The following SHANK2 variants were observed in gnomAD, a reference collection of about 807,000 sequenced individuals.
SHANK2 encodes SH3 and multiple ankyrin repeat domains 2.
In SHANK2, 43 loss-of-function variants were observed where a neutral mutation model predicts 133.7. The observed-to-expected ratio is 0.32, with a 90% CI of 0.25 to 0.41. SHANK2 has a LOEUF of 0.41. Among genes scored for constraint, SHANK2 ranks in the 10% least tolerant of loss-of-function variants. The pLI, the probability that SHANK2 is intolerant of heterozygous loss-of-function variation, is 1.00. For synonymous variants in SHANK2, 1,017 were observed against 952.8 expected (o/e 1.07, Z -1.24); for missense variants, 1,994 against 2,235.8 (o/e 0.89, Z 2.18).
chr11:70,718,898 G>A (rs908287054), intron 14 of SHANK2, among the ~76,000 whole-genome samples: 4 of 152,256 alleles, frequency 2.6e-5, no homozygotes, highest in East Asian at 3.9e-4. Context: ...CCACTTTGCC[G>A]GTCACTGGCG....
At chr11:70,918,025 T>G (rs868993998) in intron 10 of SHANK2, among the ~76,000 whole-genome samples, 4,333 of 150,024 alleles carry the variant, frequency 0.029, 181 homozygotes, top group African/African-American at 0.096. Flanking sequence ...AAGTTTTTTT[T>G]TTTTTTTTTT....
intron 9 of SHANK2, among the ~76,000 whole-genome samples, chr11:71,061,808 G>T (rs1950989375): frequency 6.6e-6 from 1 of 152,044 alleles, no homozygotes. Flanking sequence ...AGAGTGTGGA[G>T]AGCACTGGGC....
intron 3 of SHANK2, among the ~76,000 whole-genome samples, chr11:71,145,686 C>T (rs1206521566): frequency 6.6e-6 from 1 of 152,174 alleles, no homozygotes; most frequent in Non-Finnish European, 1.5e-5. Context: ...GGAGCTGGGA[C>T]CCTGGATGGG....
intron 15 of SHANK2, among the ~76,000 whole-genome samples, chr11:70,677,880 G>A (rs1555017584): frequency 2.0e-5 from 3 of 152,216 alleles, no homozygotes; most frequent in Non-Finnish European, 4.4e-5. Context: ...CGAGCTGCTT[G>A]TCCCAGTTGT....
chr11:70,552,490 G>T (rs1430323071), intron 17 of SHANK2, among the ~76,000 whole-genome samples: 11 of 152,322 alleles, frequency 7.2e-5, no homozygotes, highest in African/African-American at 2.2e-4. Flanking sequence ...CCAACAGCAA[G>T]CGATTAACTC....
chr11:70,704,899 T>A (rs548656611), intron 14 of SHANK2, among the ~76,000 whole-genome samples: 1 of 151,758 alleles, frequency 6.6e-6, no homozygotes, highest in South Asian at 2.1e-4. Flanking sequence ...CCCTTGAAAT[T>A]AATTTTGGCC....
At chr11:71,249,346 C>T (rs1164705046) in intron 1 of SHANK2, among the ~76,000 whole-genome samples, 1 of 152,148 alleles carries the variant, frequency 6.6e-6, no homozygotes, top group African/African-American at 2.4e-5. Context: ...TGCTGGAGGT[C>T]ATGTGGAGGC....
intron 17 of SHANK2, among the ~76,000 whole-genome samples, chr11:70,583,813 C>G (rs527641573): frequency 3.3e-5 from 5 of 152,332 alleles, no homozygotes; most frequent in Admixed American, 3.3e-4. Flanking sequence ...CACCATCACC[C>G]CACGGTATAA....
intron 10 of SHANK2, among the ~76,000 whole-genome samples, chr11:70,934,246 CAA>C (rs11411212): frequency 7.0e-5 from 8 of 114,038 alleles, no homozygotes; most frequent in Non-Finnish European, 7.1e-5. Context: ...ACAACACCAC[CAA>C]AAAAAAAAAA....
intron 2 of SHANK2, among the ~76,000 whole-genome samples, chr11:71,165,221 C>A (rs1403868740): frequency 6.6e-6 from 1 of 151,726 alleles, no homozygotes; most frequent in Non-Finnish European, 1.5e-5. Context: ...TTAGTAGAGA[C>A]GGGGGTCTCA....
At chr11:70,507,584 C>T (rs1400203715) in intron 17 of SHANK2, among the ~76,000 whole-genome samples, 5 of 152,180 alleles carry the variant, frequency 3.3e-5, no homozygotes, top group South Asian at 2.1e-4. Context: ...GTCATGTGGG[C>T]GCTGGGGCAG....
chr11:70,558,171 G>C (rs1565128543), intron 17 of SHANK2, among the ~76,000 whole-genome samples: 1 of 152,202 alleles, frequency 6.6e-6, no homozygotes, highest in South Asian at 2.1e-4. Flanking sequence ...TTTCTATCTG[G>C]AGGTGTGCGA....
At chr11:71,127,830 A>G (rs1952219692) in intron 3 of SHANK2, among the ~76,000 whole-genome samples, 1 of 152,228 alleles carries the variant, frequency 6.6e-6, no homozygotes, top group African/African-American at 2.4e-5. Context: ...CTGTTATGTA[A>G]GTCATTGAGA....
chr11:70,627,291 A>G (rs2060918105), intron 17 of SHANK2, among the ~76,000 whole-genome samples: 1 of 152,018 alleles, frequency 6.6e-6, no homozygotes, highest in Non-Finnish European at 1.5e-5. Flanking sequence ...ATGAAGACCA[A>G]CTCACCACCC....
chr11:70,581,506 T>C (rs7125106), intron 17 of SHANK2, among the ~76,000 whole-genome samples: 130,165 of 152,168 alleles, frequency 0.86, 55,744 homozygotes, highest in South Asian at 0.92. Context: ...GTCTGGCCAA[T>C]ATGGCGAAAC....
At chr11:71,142,236 C>A (rs1393281365) in intron 3 of SHANK2, among the ~76,000 whole-genome samples, 2 of 152,296 alleles carry the variant, frequency 1.3e-5, no homozygotes, top group South Asian at 4.1e-4. Flanking sequence ...CGGTGGCTCA[C>A]GCCTATGTAA....
chr11:70,849,784 G>A (rs1423468589), intron 11 of SHANK2, among the ~76,000 whole-genome samples: 2 of 152,086 alleles, frequency 1.3e-5, no homozygotes, highest in Non-Finnish European at 2.9e-5. Flanking sequence ...TGGTGATCTG[G>A]GGTCCATGAT....
In SHANK2 at chr11:70,500,714, C is replaced by A. The variant is rs1555158262; in HGVS notation, c.2288-124G>T. The A allele has an allele frequency of 1.1e-5, 15 of 1,314,652 alleles. No individual in the cohort carries two copies. The South Asian group carries it at 1.9e-4, about 17-fold the overall frequency. The allele number at this position is 1,314,652 out of a possible 1,614,324, so 81.4% of individuals were successfully genotyped here. The stretch of plus-strand genomic sequence containing the variant: ...GCTGGGCCGGCAATGGGGCGGCAGG[C>A]AGGGGCTGTCTGGAACGCTGCGAAC... On this transcript the variant is annotated intron_variant, in intron 20 of 25. Transcript: ENST00000601538. This position sits in a 1 kb window ranked among gnomAD's most constrained non-coding sequence, Gnocchi z 4.5.
chr11:70,703,369 G>GT, intron 14 of SHANK2, among the ~76,000 whole-genome samples: 1 of 152,330 alleles, frequency 6.6e-6, no homozygotes, highest in East Asian at 1.9e-4. Context: ...AGCGACCCGT[G>GT]TAAATCCAGG....
Sources: gnomAD v4.1 joint callset for allele counts (sites outside exome capture counted in the v4.1 genomes callset) on GRCh38, gnomAD v4.1.1 for gene constraint, Gnocchi (gnomAD v3.1) non-coding constraint, MANE v1.5 for transcripts, NCBI Gene and HGNC (gene_info 2026-07-23, HGNC 2026-07-21) for gene names.